The following ARAP2 variants were observed in gnomAD, a reference collection of about 807,000 sequenced individuals.
ARAP2 encodes the protein ArfGAP with RhoGAP domain, ankyrin repeat and PH domain 2.
Under a neutral mutation model 194.5 loss-of-function variants are expected in ARAP2, and 148 were observed. The observed-to-expected ratio is 0.76, with a 90% CI of 0.67 to 0.87. The LOEUF is 0.87. Ranked by LOEUF, ARAP2 falls within the 40% of genes least tolerant of loss-of-function variation. ARAP2 has a pLI of 0.00. For synonymous variants in ARAP2, 695 were observed against 683.5 expected (o/e 1.02, Z -0.26); for missense variants, 2,128 against 1,989.7 (o/e 1.07, Z -1.32).
At chr4:36,200,041 TCTC>T (rs1207247195) in intron 6 of ARAP2, among the ~76,000 whole-genome samples, 7 of 152,112 alleles carry the variant, frequency 4.6e-5, no homozygotes, top group East Asian at 1.9e-4. Flanking sequence ...CATTTGATAC[TCTC>T]CTATTTAAAA....
At position 36,148,411 on chromosome 4, in the gene ARAP2, T is replaced by C; in HGVS notation, c.2994A>G (p.Ile998Met). Residue 998 changes from isoleucine to methionine, a missense_variant, in exon 17 of 33, where the codon ATA (isoleucine) becomes ATG (methionine). Ile to Met is a conservative substitution (Grantham distance 10). Transcript: ENST00000303965. Reference protein sequence around the residue: ...SQAQRKWTEAIAKHFVPLFAE... With the variant: ...SQAQRKWTEAMAKHFVPLFAE... Reference sequence around the variant, plus strand: ...TAACATAATATTTAAATACCTTGGCTATTGCCTCTGTCCATTTTCTTTGAG... The same window carrying C: ...TAACATAATATTTAAATACCTTGGCCATTGCCTCTGTCCATTTTCTTTGAG... The C allele has an allele frequency of 6.2e-7, 1 of 1,611,628 alleles. No homozygotes were observed. The highest frequency in any genetic ancestry group is 1.7e-4 in the Middle Eastern group (1 of 6,054).
intron 2 of ARAP2, among the ~76,000 whole-genome samples, chr4:36,214,815 G>C (rs1747551824): frequency 6.6e-6 from 1 of 152,136 alleles, no homozygotes; most frequent in Admixed American, 6.5e-5. Context: ...ATGCTAATAT[G>C]CACATAAAGT....
intron 20 of ARAP2, among the ~76,000 whole-genome samples, chr4:36,130,594 A>G (rs867863532): frequency 8.6e-5 from 13 of 151,958 alleles, no homozygotes; most frequent in Middle Eastern, 6.8e-3. Context: ...CCCCTACACC[A>G]TGGACACCAG....
rs532320655 is a variant in ARAP2 at position 36,052,981 on chromosome 4, AT to A, written n.322-929del. On this transcript the variant is annotated intron_variant and non_coding_transcript_variant, in intron 2 of 12. Coordinates refer to the ARAP2 transcript ENST00000503225. ...AATGCAAATTGCAAACATCTCAACA[AT>A]TTCCCCTAAATACTTCAGCATGCAG... Among the ~76,000 whole-genome samples the A allele has an allele frequency of 1.2e-3, 186 of 151,994 alleles. 1 individual carries two copies. Among genetic ancestry groups the A allele is most frequent in the South Asian group, 3.3e-3 (16 of 4,816 alleles).
At chr4:36,244,661 G>A (rs898727606), upstream of ARAP2, among the ~76,000 whole-genome samples, 1 of 151,972 alleles carries the variant, frequency 6.6e-6, no homozygotes, top group African/African-American at 2.4e-5. Flanking sequence ...TGGCACCCTC[G>A]CCACCTGGCG....
intron 1 of ARAP2, among the ~76,000 whole-genome samples, chr4:36,234,473 G>C (rs867132402): frequency 2.0e-5 from 3 of 152,106 alleles, no homozygotes; most frequent in South Asian, 4.1e-4. Context: ...AATCGGGAGC[G>C]GGGGGTGGGG....
intron 19 of ARAP2, among the ~76,000 whole-genome samples, chr4:36,141,597 AG>A (rs985295896): frequency 2.0e-5 from 3 of 151,718 alleles, no homozygotes; most frequent in African/African-American, 7.2e-5. Flanking sequence ...TTTCCAGTTT[AG>A]GGGGTTCTTT....
At chr4:36,196,682 T>C (rs1315456244) in intron 6 of ARAP2, among the ~76,000 whole-genome samples, 1 of 151,856 alleles carries the variant, frequency 6.6e-6, no homozygotes, top group Non-Finnish European at 1.5e-5. Flanking sequence ...AAAGAACAAC[T>C]GCCCTACAGG....
rs374551793 is a variant in ARAP2, at chr4:36,117,149, G to A, written c.3964-14C>T. The A allele has an allele frequency of 6.3e-7, 1 of 1,575,240 alleles. No individual in the cohort carries two copies. Among genetic ancestry groups the A allele is most frequent in the South Asian group, 1.1e-5 (1 of 87,266 alleles). The stretch of plus-strand genomic sequence containing the variant: ...AGCCTGGGAAACCTAGAAAAGGGCA[G>A]AGGTAGAAACAACACAGATAAACAT... On this transcript the variant is annotated splice_polypyrimidine_tract_variant and intron_variant, in intron 24 of 32. Transcript: ENST00000303965.
chr4:36,044,936 A>G (rs1721551599), intron 5 of ARAP2, among the ~76,000 whole-genome samples: 1 of 152,152 alleles, frequency 6.6e-6, no homozygotes, highest in African/African-American at 2.4e-5. Flanking sequence ...GCGAACAATA[A>G]TATTAAAAAA....
chr4:36,158,433 A>C (rs1440557774), intron 15 of ARAP2, among the ~76,000 whole-genome samples: 1 of 152,170 alleles, frequency 6.6e-6, no homozygotes, highest in African/African-American at 2.4e-5. Flanking sequence ...TCCATCCCTA[A>C]GGAAAGGGGC....
intron 6 of ARAP2, among the ~76,000 whole-genome samples, chr4:36,205,584 C>A (rs1202880158): frequency 1.5e-5 from 2 of 136,970 alleles, no homozygotes; most frequent in Admixed American, 7.9e-5. Context: ...AGGTCCTCTG[C>A]AATAAAATGG....
Position 36,214,950 on chromosome 4 carries a change from T to C in ARAP2, c.906-470A>G, listed in dbSNP as rs571097677. Among the ~76,000 whole-genome samples, 9 of 152,246 alleles carry C rather than the reference T, an allele frequency of 5.9e-5. No homozygotes were observed. The East Asian group carries it at 1.4e-3, about 23-fold the overall frequency. ...AATGTGTCTGGCTCTGTAGACACAA[T>C]ATGAAAATACACACAAGATCTTTCA... On this transcript the variant is annotated intron_variant, in intron 2 of 32. Transcript: ENST00000303965.
At chr4:36,008,399 C>A (rs1283285908) in intron 9 of ARAP2, among the ~76,000 whole-genome samples, 1 of 152,050 alleles carries the variant, frequency 6.6e-6, no homozygotes, top group African/African-American at 2.4e-5. Context: ...ATACCTATAA[C>A]CATCTGATTT....
At chr4:36,073,505 A>T (rs536315597) in intron 32 of ARAP2, among the ~76,000 whole-genome samples, 184 bp downstream of exon 32, 10 of 152,300 alleles carry the variant, frequency 6.6e-5, no homozygotes, top group Non-Finnish European at 1.3e-4. Flanking sequence ...GGTCAATGAT[A>T]TTAAAATAAA....
At position 36,148,416 on chromosome 4, in the gene ARAP2, C is replaced by T. The variant is rs1195929580; in HGVS notation, c.2989G>A (p.Ala997Thr). The T allele has an allele frequency of 6.2e-7, 1 of 1,612,232 alleles. No homozygotes were observed. Among genetic ancestry groups the T allele is most frequent in the South Asian group, 1.1e-5 (1 of 90,956 alleles). Residue 997 changes from alanine to threonine, a missense_variant, in exon 17 of 33, where the codon GCA becomes ACA. Ala to Thr is a moderately conservative substitution (Grantham distance 58, BLOSUM62 0). Coordinates refer to ENST00000303965, the MANE Select transcript of ARAP2 (RefSeq NM_015230.4). ...TSQAQRKWTEAIAKHFVPLFA... is the reference protein window; with the variant it reads ...TSQAQRKWTETIAKHFVPLFA... ...TAATATTTAAATACCTTGGCTATTG[C>T]CTCTGTCCATTTTCTTTGAGCTTGA... is the stretch of plus-strand genomic sequence containing the variant.
chr4:36,148,706 T>C (rs1730236259), intron 16 of ARAP2, among the ~76,000 whole-genome samples, 199 bp from the exon 17 acceptor site: 2 of 152,182 alleles, frequency 1.3e-5, no homozygotes, highest in Admixed American at 6.5e-5. Flanking sequence ...AAAAGGAATA[T>C]TTTGTATAAT....
At chr4:36,241,235 G>A (rs1753443097) in intron 1 of ARAP2, among the ~76,000 whole-genome samples, 1 of 152,194 alleles carries the variant, frequency 6.6e-6, no homozygotes, top group Non-Finnish European at 1.5e-5. Flanking sequence ...AGATGTTTCA[G>A]AATAGCCTAC....
intron 21 of ARAP2, among the ~76,000 whole-genome samples, chr4:36,127,531 C>A (rs192534900): frequency 6.6e-6 from 1 of 151,948 alleles, no homozygotes; most frequent in South Asian, 2.1e-4. Flanking sequence ...TTAAATATAT[C>A]ACTTGTTTTA....
Sources: gnomAD v4.1 joint callset for allele counts (sites outside exome capture counted in the v4.1 genomes callset) on GRCh38, gnomAD v4.1.1 for gene constraint, MANE v1.5 for transcripts, NCBI Gene and HGNC (gene_info 2026-07-23, HGNC 2026-07-21) for gene names.